The following NCALD variants were observed in gnomAD, a reference collection of about 807,000 sequenced individuals.
NCALD encodes neurocalcin-delta.
NCALD carries 10 observed loss-of-function variants against 18.6 expected under a neutral mutation model. That is an observed-to-expected ratio of 0.54 (90% CI 0.33 to 0.91). The LOEUF (loss-of-function observed/expected upper bound fraction) is 0.91, where lower values mean the gene tolerates loss of function less well. NCALD is among the 40% of genes least tolerant of loss of function. The pLI is 0.03. For missense variants in NCALD, 184 were observed against 247.6 expected (o/e 0.74, Z 1.72); for synonymous variants, 88 against 87.4 (o/e 1.01, Z -0.04).
chr8:101,907,962 T>TC (rs995363800), intron 3 of NCALD, among the ~76,000 whole-genome samples: 1 of 151,898 alleles, frequency 6.6e-6, no homozygotes, highest in African/African-American at 2.4e-5. Flanking sequence ...GGAGTAGGGC[T>TC]CCCCCCATTC....
chr8:101,735,896 T>G (rs1468463543), intron 1 of NCALD, among the ~76,000 whole-genome samples: 1 of 152,192 alleles, frequency 6.6e-6, no homozygotes, highest in Non-Finnish European at 1.5e-5. Flanking sequence ...GATTCTCACT[T>G]CCATCCAATC....
chr8:101,876,921 A>G (rs1816251514), intron 4 of NCALD, among the ~76,000 whole-genome samples: 1 of 152,216 alleles, frequency 6.6e-6, no homozygotes. Flanking sequence ...TTCCAGTACA[A>G]AGCAAAAGTG....
intron 1 of NCALD, among the ~76,000 whole-genome samples, chr8:101,781,716 C>T (rs1436790575): frequency 6.6e-6 from 1 of 152,120 alleles, no homozygotes; most frequent in Non-Finnish European, 1.5e-5. Context: ...AAATTATCAT[C>T]AATATCAACG....
intron 4 of NCALD, among the ~76,000 whole-genome samples, chr8:101,883,316 T>C (rs1238105567): frequency 6.6e-6 from 1 of 152,212 alleles, no homozygotes; most frequent in Non-Finnish European, 1.5e-5. Flanking sequence ...TACTCCAGCC[T>C]GGGCAACAGA....
At chr8:101,799,205 C>T (rs1321617643) in intron 4 of NCALD, among the ~76,000 whole-genome samples, 1 of 152,072 alleles carries the variant, frequency 6.6e-6, no homozygotes, top group Non-Finnish European at 1.5e-5. Context: ...AAATTTTCAA[C>T]ATCATTAACC....
chr8:102,013,409 C>T (rs2132073815), intron 2 of NCALD, among the ~76,000 whole-genome samples: 1 of 152,342 alleles, frequency 6.6e-6, no homozygotes, highest in Admixed American at 6.5e-5. Flanking sequence ...CTGATGTCTA[C>T]ATTTAGTTCT....
chr8:101,818,878 G>A (rs1207488039), intron 4 of NCALD, among the ~76,000 whole-genome samples: 2 of 152,092 alleles, frequency 1.3e-5, no homozygotes, highest in Admixed American at 6.6e-5. Context: ...GGTAGCACAT[G>A]CCTGTAATCC....
intron 1 of NCALD, among the ~76,000 whole-genome samples, chr8:101,730,047 G>A (rs533411060): frequency 2.0e-5 from 3 of 152,078 alleles, no homozygotes; most frequent in African/African-American, 4.8e-5. Context: ...ATTCCGATCC[G>A]ATAGCACTCC....
chr8:102,093,032 C>T (rs1824974398), intron 1 of NCALD, among the ~76,000 whole-genome samples: 1 of 152,102 alleles, frequency 6.6e-6, no homozygotes, highest in South Asian at 2.1e-4. Context: ...ACTATTTACA[C>T]CTGTAGATCC....
chr8:102,015,275 T>G (rs928889938), intron 2 of NCALD, among the ~76,000 whole-genome samples: 6 of 152,042 alleles, frequency 3.9e-5, no homozygotes, highest in Non-Finnish European at 5.9e-5. Flanking sequence ...CCAATCTTCC[T>G]CTCCCCCTTA....
At chr8:102,106,460 TATATATACAC>T (rs1165038278) in intron 1 of NCALD, among the ~76,000 whole-genome samples, 1 of 141,686 alleles carries the variant, frequency 7.1e-6, no homozygotes, top group Non-Finnish European at 1.5e-5. Context: ...TATATATATA[TATATATACAC>T]ACACACACAC....
At chr8:102,124,507 C>CG (rs1160705189), upstream of NCALD, 15 of 48,250 alleles carry the variant, frequency 3.1e-4, no homozygotes, top group East Asian at 8.5e-4. Flanking sequence ...CCCCCCCCCT[C>CG]CCCCGCTTGC....
intron 2 of NCALD, among the ~76,000 whole-genome samples, chr8:101,977,129 C>T (rs916364299): frequency 6.6e-6 from 1 of 151,470 alleles, no homozygotes; most frequent in Non-Finnish European, 1.5e-5. Context: ...GGTTATTTCT[C>T]CTTTCCATCT....
At chr8:102,026,027 A>G (rs1822442311) in intron 1 of NCALD, among the ~76,000 whole-genome samples, 1 of 152,160 alleles carries the variant, frequency 6.6e-6, no homozygotes, top group African/African-American at 2.4e-5. Flanking sequence ...TAAAACCATC[A>G]GATATTGTAA....
At chr8:102,077,841 C>T (rs947872307) in intron 1 of NCALD, among the ~76,000 whole-genome samples, 3 of 152,230 alleles carry the variant, frequency 2.0e-5, no homozygotes, top group African/African-American at 7.2e-5. Flanking sequence ...CTCCTCATCT[C>T]CACCTCTAGA....
intron 1 of NCALD, among the ~76,000 whole-genome samples, chr8:102,069,507 C>T (rs1824113977): frequency 6.6e-6 from 1 of 152,082 alleles, no homozygotes; most frequent in South Asian, 2.1e-4. Flanking sequence ...CAATTTGAGT[C>T]CTAGAATTCC....
intron 1 of NCALD, among the ~76,000 whole-genome samples, chr8:102,120,528 T>C (rs1825915864): frequency 6.6e-6 from 1 of 152,030 alleles, no homozygotes; most frequent in South Asian, 2.1e-4. Context: ...CTCAATGAGA[T>C]GGTACTAAAA....
chr8:101,796,237 C>CT (rs1242728691), intron 4 of NCALD, among the ~76,000 whole-genome samples: 1 of 152,162 alleles, frequency 6.6e-6, no homozygotes, highest in Admixed American at 6.5e-5. Flanking sequence ...AATCGACCCT[C>CT]TTTAAAGGAA....
chr8:102,114,604 GCTGTGGTCTTTAGCACACACACA>G lies in NCALD; in HGVS notation c.-210+9610_-210+9632del, dbSNP rs534987150. The stretch of plus-strand genomic sequence containing the variant: ...CGATATGGAGAGGATAGCTGCAGGC[GCTGTGGTCTTTAGCACACACACA>G]CCAAGCTGCAGCTTGCAACCCAGTG... On this transcript the variant is annotated intron_variant, in intron 1 of 6. Coordinates refer to the NCALD transcript ENST00000311028. Among the ~76,000 whole-genome samples, 213 of 152,292 alleles carry G rather than the reference GCTGTGGTCTTTAGCACACACACA, an allele frequency of 1.4e-3. 2 individuals carry two copies. The highest frequency in any genetic ancestry group is 5.0e-3 in the African/African-American group (206 of 41,554).
Sources: gnomAD v4.1 joint callset for allele counts (sites outside exome capture counted in the v4.1 genomes callset) on GRCh38, gnomAD v4.1.1 for gene constraint, MANE v1.5 for transcripts, NCBI Gene and HGNC (gene_info 2026-07-23, HGNC 2026-07-21) for gene names.